The following ADRA2B variants were observed in gnomAD, a reference collection of about 807,000 sequenced individuals.
The protein encoded by ADRA2B is adrenoceptor alpha 2B.
In ADRA2B, 14 loss-of-function variants were observed where a neutral mutation model predicts 14.4. The observed-to-expected ratio is 0.97, with a 90% CI of 0.64 to 1.52. The LOEUF (loss-of-function observed/expected upper bound fraction) is 1.52. Ranked by LOEUF, ADRA2B falls within the 40% of genes most tolerant of loss-of-function variation. The pLI is 0.00. For synonymous variants in ADRA2B, 250 were observed against 263.7 expected, an observed-to-expected ratio of 0.95 and a Z score of 0.50; for missense variants, 606 against 603.2, an observed-to-expected ratio of 1.00 and a Z score of -0.05.
chr2:96,114,544 C>G lies in ADRA2B; in HGVS notation c.*253G>C. 7.4e-7 allele frequency: 1 copy of G among 1,352,182 alleles called. No homozygotes were observed. The highest frequency in any genetic ancestry group is 9.5e-7 in the Non-Finnish European group (1 of 1,051,386). The allele number at this position is 1,352,182 out of a possible 1,614,324, so 83.8% of individuals were successfully genotyped here. A position where few individuals can be genotyped will look rare whatever the true frequency, so the allele number is the denominator to read the frequency against. On this transcript the variant is annotated 3_prime_UTR_variant, in exon 1 of 1. Transcript: ENST00000620793. Reference sequence around the variant, plus strand: ...TGGCTATGTTCCAGAGGATTTGAACCACCTCCATCGGCCTGTGCTCAGGGA... The same window carrying G: ...TGGCTATGTTCCAGAGGATTTGAACGACCTCCATCGGCCTGTGCTCAGGGA...
chr2:96,115,191 G>A lies in ADRA2B; in HGVS notation c.959C>T (p.Ala320Val), dbSNP rs1290866324. The A allele has an allele frequency of 6.4e-7, 1 of 1,566,266 alleles. No individual in the cohort carries two copies. Among genetic ancestry groups the A allele is most frequent in the Non-Finnish European group, 8.7e-7 (1 of 1,155,938 alleles). The change falls in exon 1 of 1, where the codon GCC becomes GTC. Residue 320 changes from alanine to valine, a missense_variant. Ala to Val is a moderately conservative substitution (Grantham distance 64). Transcript: ENST00000620793. ...CTGCAGCGGGGGGCTGCAAGCTGAG[G>A]CCGGAGACACTGGCACTGCCTGGGG... ...CEPQAVPVSP[A>V]SACSPPLQQP...
Position 96,115,062 on chromosome 2 carries a change from A to T in ADRA2B, c.1088T>A (p.Leu363Gln). The T allele has an allele frequency of 6.2e-7, 1 of 1,613,688 alleles. No homozygotes were observed. Among genetic ancestry groups the T allele is most frequent in the Non-Finnish European group, 8.5e-7 (1 of 1,179,794 alleles). The change falls in exon 1 of 1, where the codon CTG becomes CAG. Residue 363 changes from leucine to glutamine, a missense_variant. By Grantham distance (113) the Leu-to-Gln change is moderately radical. Transcript: ENST00000620793. ...GGQWWRRRAQLTREKRFTFVL... is the reference protein window; with the variant it reads ...GGQWWRRRAQQTREKRFTFVL... ...GAAGGTGAAGCGCTTCTCCCGGGTC[A>T]GCTGCGCCCGTCGACGCCACCACTG...
Position 96,114,903 on chromosome 2 carries a change from T to C in ADRA2B, c.1247A>G (p.Tyr416Cys), listed in dbSNP as rs375641838. ...AACAGGGTTCAGTGAGCTGTTGCAG[T>C]AGCCGATCCAGAAGAAGAACTGGAA... is the stretch of plus-strand genomic sequence containing the variant. ...GLFQFFFWIG[Y>C]CNSSLNPVIY... Residue 416 changes from tyrosine (Y) to cysteine (C), a missense_variant, in exon 1 of 1, where the codon TAC (tyrosine) becomes TGC (cysteine). Transcript: ENST00000620793. 1.7e-5 allele frequency: 28 copies of C among 1,613,714 alleles called. No individual in the cohort carries two copies. In the African/African-American group the frequency reaches 2.1e-4, roughly 12 times the overall value.
At position 96,115,401 on chromosome 2, in the gene ADRA2B, G is replaced by T; in HGVS notation, c.749C>A (p.Ser250Ter). The T allele has an allele frequency of 6.2e-7, 1 of 1,609,012 alleles. No homozygotes were observed. The highest frequency in any genetic ancestry group is 8.5e-7 in the Non-Finnish European group (1 of 1,176,620). Reference protein sequence around the residue: ...VASAREVNGHSKSTGEKEEGE... With the variant: ...VASAREVNGH ...CTCCTCCTTCTCCCCAGTGGACTTC[G>T]AGTGTCCGTTGACCTCTCTGGCAGA... The change falls in exon 1 of 1, where the codon TCG becomes TAG. Residue 250 changes from serine (S) to a stop codon, truncating the protein, a stop_gained. Transcript: ENST00000620793. LOFTEE classifies it low-confidence loss of function (END_TRUNC).
Position 96,113,827 on chromosome 2 carries a change from G to T in ADRA2B, c.*970C>A, listed in dbSNP as rs1681801462. Reference sequence around the variant, plus strand: ...TTCTGTCTGCCACTCCCGGCTTCCAGTTCGGGGTAGGAATTCACACACCCC... The same window carrying T: ...TTCTGTCTGCCACTCCCGGCTTCCATTTCGGGGTAGGAATTCACACACCCC... On this transcript the variant is annotated 3_prime_UTR_variant, in exon 1 of 1. Coordinates refer to ENST00000620793, the MANE Select transcript of ADRA2B (RefSeq NM_000682.7). The T allele has an allele frequency of 5.6e-6, 5 of 889,546 alleles. No homozygotes were observed. Among genetic ancestry groups the T allele is most frequent in the South Asian group, 1.0e-4 (2 of 19,276 alleles). 55.1% of individuals were successfully genotyped at this position (889,546 alleles called of 1,614,324 possible). A position where few individuals can be genotyped will look rare whatever the true frequency, so the allele number is the denominator to read the frequency against.
chr2:96,115,377 T>C lies in ADRA2B; in HGVS notation c.773A>G (p.Glu258Gly), dbSNP rs1313169588. Reference sequence around the variant, plus strand: ...CCCAGTATCTTCAGGGGTCTCCCCCTCCTCCTTCTCCCCAGTGGACTTCGA... The same window carrying C: ...CCCAGTATCTTCAGGGGTCTCCCCCCCCTCCTTCTCCCCAGTGGACTTCGA... The part of the protein sequence containing the change: ...GHSKSTGEKE[E>G]GETPEDTGTR... Residue 258 changes from glutamate (E) to glycine (G), a missense_variant, in exon 1 of 1, where the codon GAG becomes GGG. Coordinates refer to ENST00000620793, the MANE Select transcript of ADRA2B (RefSeq NM_000682.7). 8.1e-6 allele frequency: 13 copies of C among 1,606,274 alleles called. No individual in the cohort carries two copies. The highest frequency in any genetic ancestry group is 1.1e-5 in the Non-Finnish European group (13 of 1,174,932).
At position 96,115,224 on chromosome 2, in the gene ADRA2B, T is replaced by G; in HGVS notation, c.926A>C (p.Glu309Ala). 1 of 1,548,434 alleles carries G rather than the reference T, an allele frequency of 6.5e-7. No homozygotes were observed. The highest frequency in any genetic ancestry group is 1.7e-4 in the Middle Eastern group (1 of 5,990). ...CACTGGCACTGCCTGGGGTTCACACTCTTCCTCCTCCTCCTCCTCCTCTTC... is the reference window on the plus strand; with the variant it reads ...CACTGGCACTGCCTGGGGTTCACACGCTTCCTCCTCCTCCTCCTCCTCTTC... ...EEEEEEEEEEECEPQAVPVSP... is the reference protein window; with the variant it reads ...EEEEEEEEEEACEPQAVPVSP... The change falls in exon 1 of 1, where the codon GAG becomes GCG. Residue 309 changes from glutamate (E) to alanine (A), a missense_variant. Physicochemically the swap from Glu to Ala is moderately radical, Grantham distance 107 (BLOSUM62 -1). Transcript: ENST00000620793.
Position 96,116,157 on chromosome 2 carries a change from C to A in ADRA2B, c.-8G>T. 3 of 1,604,630 alleles carry A rather than the reference C, an allele frequency of 1.9e-6. No individual in the cohort carries two copies. The highest frequency in any genetic ancestry group is 2.6e-6 in the Non-Finnish European group (3 of 1,176,180). ...GGGGTCCTGGTGGTCCATGACGGGG[C>A]GGGAGGTGGGCAGAGGGAGCGCTGC... On this transcript the variant is annotated 5_prime_UTR_variant, in exon 1 of 1. Coordinates refer to ENST00000620793, the MANE Select transcript of ADRA2B (RefSeq NM_000682.7).
rs1170497256 is a variant in ADRA2B at position 96,114,339 on chromosome 2, T to C, written c.*458A>G. 7 of 994,502 alleles carry C rather than the reference T, an allele frequency of 7.0e-6. No individual in the cohort carries two copies. Among genetic ancestry groups the C allele is most frequent in the African/African-American group, 1.7e-5 (1 of 57,214 alleles). 61.6% of individuals were successfully genotyped at this position (994,502 alleles called of 1,614,324 possible). On this transcript the variant is annotated 3_prime_UTR_variant, in exon 1 of 1. Coordinates refer to ENST00000620793, the MANE Select transcript of ADRA2B (RefSeq NM_000682.7). ...CCTCCCCCTCAGCAGCAGGCCCCAC[T>C]GGGAAAAGTGGAAGGCTGGCTCCGT... is the stretch of plus-strand genomic sequence containing the variant.
In ADRA2B at chr2:96,116,059, C is replaced by G. The variant is rs1458205945; in HGVS notation, c.91G>C (p.Ala31Pro). ...GTCAACACAGCCAGGATGACCAGAG[C>G]GTTGCCGAAGATGGTAAAGAGAATG... is the stretch of plus-strand genomic sequence containing the variant. ...FLILFTIFGN[A>P]LVILAVLTSR... Residue 31 changes from alanine to proline, a missense_variant, in exon 1 of 1, where the codon GCT becomes CCT. Coordinates refer to ENST00000620793, the MANE Select transcript of ADRA2B (RefSeq NM_000682.7). The G allele has an allele frequency of 1.9e-6, 3 of 1,613,088 alleles. No individual in the cohort carries two copies. Among genetic ancestry groups the G allele is most frequent in the Non-Finnish European group, 2.5e-6 (3 of 1,179,686 alleles).
rs750340969 is a variant in ADRA2B, at chr2:96,115,276, A to G, written c.874T>C (p.Ser292Pro). 3.2e-6 allele frequency: 5 copies of G among 1,570,406 alleles called. No homozygotes were observed. The highest frequency in any genetic ancestry group is 3.5e-6 in the Non-Finnish European group (4 of 1,157,780). The change falls in exon 1 of 1, where the codon TCT becomes CCT. Residue 292 changes from serine to proline, a missense_variant. Physicochemically the swap from Ser to Pro is moderately conservative, Grantham distance 74. Coordinates refer to ENST00000620793, the MANE Select transcript of ADRA2B (RefSeq NM_000682.7). ...QGQKEGVCGA[S>P]PEDEAEEEEE... is the part of the protein sequence containing the mutation. Reference sequence around the variant, plus strand: ...TCCTCTTCAGCTTCATCCTCTGGAGATGCCCCACAAACACCCTCCTTCTGG... The same window carrying G: ...TCCTCTTCAGCTTCATCCTCTGGAGGTGCCCCACAAACACCCTCCTTCTGG...
In ADRA2B at chr2:96,115,830, C is replaced by T. The variant is rs1275945188; in HGVS notation, c.320G>A (p.Ser107Asn). ...GCTCACGGCCCAGTAGCGGTCCAGG[C>T]TGATGGCGCACAGGTGCACGATGGA... ...TSSIVHLCAI[S>N]LDRYWAVSRA... Residue 107 changes from serine to asparagine, a missense_variant, in exon 1 of 1, where the codon AGC (serine) becomes AAC (asparagine). Physicochemically the swap from Ser to Asn is conservative, Grantham distance 46. Transcript: ENST00000620793. The T allele has an allele frequency of 1.9e-6, 3 of 1,613,456 alleles. No homozygotes were observed. Among genetic ancestry groups the T allele is most frequent in the Non-Finnish European group, 2.5e-6 (3 of 1,179,760 alleles).
Position 96,114,006 on chromosome 2 carries a change from G to A in ADRA2B, c.*791C>T, listed in dbSNP as rs760888362. The stretch of plus-strand genomic sequence containing the variant: ...AAAGCCTTTCATCTCCCTGCAGCAA[G>A]TAGGCAGTGAGCTATTGTCGCCCCG... On this transcript the variant is annotated 3_prime_UTR_variant, in exon 1 of 1. Transcript: ENST00000620793. The A allele has an allele frequency of 3.5e-4, 341 of 985,796 alleles. No homozygotes were observed. Among genetic ancestry groups the A allele is most frequent in the Admixed American group, 5.5e-4 (9 of 16,276 alleles). The allele number at this position is 985,796 out of a possible 1,614,324, so 61.1% of individuals were successfully genotyped here. A position where few individuals can be genotyped will look rare whatever the true frequency, so the allele number is the denominator to read the frequency against.
Position 96,116,516 on chromosome 2 carries a change from G to A in ADRA2B, c.-367C>T, listed in dbSNP as rs1210540284. 6.6e-6 allele frequency among the ~76,000 whole-genome samples: 1 copy of A among 152,076 alleles called. No homozygotes were observed. The highest frequency in any genetic ancestry group is 2.4e-5 in the African/African-American group (1 of 41,416). ...GCCGGTTCTTAAAGGAGGCGCGGAG[G>A]ACCTTGCGCCCGCTCAGCTCGCAGG... On this transcript the variant is annotated 5_prime_UTR_variant, in exon 1 of 1. Coordinates refer to ENST00000620793, the MANE Select transcript of ADRA2B (RefSeq NM_000682.7).
chr2:96,116,097 G>A lies in ADRA2B; in HGVS notation c.53C>T (p.Ala18Val), dbSNP rs1419514229. The change falls in exon 1 of 1, where the codon GCC becomes GTC. Residue 18 changes from alanine (A) to valine (V), a missense_variant. By Grantham distance (64) the Ala-to-Val change is moderately conservative (BLOSUM62 0). Coordinates refer to ENST00000620793, the MANE Select transcript of ADRA2B (RefSeq NM_000682.7). ...GGTAAAGAGAATGAGGAAGGTGATG[G>A]CCGCCGCTATGGCCGCTGTGGCCTG... ...SVQATAAIAAAITFLILFTIF... is the reference protein window; with the variant it reads ...SVQATAAIAAVITFLILFTIF... 1 of 1,611,812 alleles carries A rather than the reference G, an allele frequency of 6.2e-7. No homozygotes were observed. Among genetic ancestry groups the A allele is most frequent in the Non-Finnish European group, 8.5e-7 (1 of 1,179,430 alleles).
chr2:96,115,414 CCT>C lies in ADRA2B; in HGVS notation c.734_735del (p.Glu245GlyfsTer18). On this transcript the variant is annotated frameshift_variant, in exon 1 of 1. Transcript: ENST00000620793. LOFTEE classifies it low-confidence loss of function (END_TRUNC). ...PALASVASAR[E>X]VNGHSKSTGE... Reference sequence around the variant, plus strand: ...CCAGTGGACTTCGAGTGTCCGTTGACCTCTCTGGCAGAAGCCACAGAGGCCAG... The same window carrying C: ...CCAGTGGACTTCGAGTGTCCGTTGACCTCTGGCAGAAGCCACAGAGGCCAG... 6.2e-7 allele frequency: 1 copy of C among 1,610,644 alleles called. No individual in the cohort carries two copies. The highest frequency in any genetic ancestry group is 2.2e-5 in the East Asian group (1 of 44,822).
In ADRA2B at chr2:96,114,968, T is replaced by C. The variant is rs2229169; in HGVS notation, c.1182A>G (p.Gly394=). ...WFPFFFSYSL[G]AICPKHCKVP... is the part of the protein sequence containing the mutation. ...CCTTGCAGTGCTTCGGGCAGATGGC[T>C]CCCAGGCTGTAGCTGAAGAAGAAGG... The change falls in exon 1 of 1, where the codon GGA becomes GGG. Residue 394 remains glycine, a synonymous_variant. Transcript: ENST00000620793. 1.2e-6 allele frequency: 2 copies of C among 1,612,424 alleles called. No individual in the cohort carries two copies. The highest frequency in any genetic ancestry group is 4.5e-5 in the East Asian group (2 of 44,794).
rs555209479 is a variant in ADRA2B, at chr2:96,113,471, G to T, written c.*1326C>A. On this transcript the variant is annotated 3_prime_UTR_variant, in exon 1 of 1. Coordinates refer to ENST00000620793, the MANE Select transcript of ADRA2B (RefSeq NM_000682.7). ...TTGTGGTTCACAAGGACTCATTTGGGGCTTGGAGACCTGGCCGGGCACTCC... is the reference window on the plus strand; with the variant it reads ...TTGTGGTTCACAAGGACTCATTTGGTGCTTGGAGACCTGGCCGGGCACTCC... 19 of 258,708 alleles carry T rather than the reference G, an allele frequency of 7.3e-5. No homozygotes were observed. The highest frequency in any genetic ancestry group is 2.0e-4 in the African/African-American group (9 of 45,180). 16.0% of individuals were successfully genotyped at this position (258,708 alleles called of 1,614,324 possible).
In ADRA2B at chr2:96,116,169, A is replaced by C. The variant is rs935077701; in HGVS notation, c.-20T>G. 1 of 1,594,864 alleles carries C rather than the reference A, an allele frequency of 6.3e-7. No homozygotes were observed. The highest frequency in any genetic ancestry group is 1.7e-5 in the Admixed American group (1 of 57,844). Reference sequence around the variant, plus strand: ...GTCCATGACGGGGCGGGAGGTGGGCAGAGGGAGCGCTGCCCGCCCAGTGCG... The same window carrying C: ...GTCCATGACGGGGCGGGAGGTGGGCCGAGGGAGCGCTGCCCGCCCAGTGCG... On this transcript the variant is annotated 5_prime_UTR_variant, in exon 1 of 1. Transcript: ENST00000620793.
Sources: allele counts gnomAD v4.1 joint callset (sites outside exome capture counted in the v4.1 genomes callset), GRCh38; gene constraint gnomAD v4.1.1; transcripts MANE v1.5; gene names NCBI Gene and HGNC (gene_info 2026-07-23, HGNC 2026-07-21).